CHD9: variants seen among roughly 807,000 people sequenced by gnomAD.
The protein encoded by CHD9 is ATP-dependent chromatin remodeler CHD9.
Under a neutral mutation model 316.1 loss-of-function variants are expected in CHD9, and 77 were observed. The observed-to-expected ratio is 0.24, with a 90% confidence interval of 0.20 to 0.29. The LOEUF is 0.29. Ranked by LOEUF, CHD9 falls within the 10% of genes least tolerant of loss-of-function variation. The probability of loss-of-function intolerance (pLI) is 1.00; values close to 1 mark genes in which losing one functional copy is unlikely to be tolerated. For synonymous variants in CHD9, 1,129 were observed against 1,158.3 expected (o/e 0.97, Z 0.51); for missense variants, 2,763 against 3,438.1 (o/e 0.80, Z 4.91).
intron 2 of CHD9, chr16:53,208,708 G>C (rs777226060): frequency 2.0e-6 from 2 of 986,760 alleles, no homozygotes; most frequent in Non-Finnish European, 2.4e-6. Context: ...GCATGTTTAC[G>C]GGTAAGAACA....
chr16:53,064,983 G>A (rs60126120), intron 1 of CHD9, among the ~76,000 whole-genome samples: 43,613 of 150,738 alleles, frequency 0.29, 7,301 homozygotes, highest in Non-Finnish European at 0.39. Flanking sequence ...GAAAGAAAGA[G>A]AGAGAGAGAG....
intron 1 of CHD9, among the ~76,000 whole-genome samples, chr16:53,097,493 A>C (rs539054608): frequency 5.7e-4 from 87 of 152,002 alleles, no homozygotes; most frequent in African/African-American, 2.1e-3. Context: ...TCAAACTCCT[A>C]GGCTCAAGCA....
intron 34 of CHD9, chr16:53,310,926 C>G (rs537044544): frequency 6.6e-6 from 1 of 151,028 alleles, no homozygotes; most frequent in East Asian, 1.9e-4. Flanking sequence ...GTGGCTCACA[C>G]CCGTAATCCC....
intron 38 of CHD9, among the ~76,000 whole-genome samples, chr16:53,323,524 T>A (rs1229421089): frequency 3.9e-5 from 6 of 152,198 alleles, no homozygotes; most frequent in Non-Finnish European, 8.8e-5. Flanking sequence ...CCACTTTGAG[T>A]ATCTTTTTGA....
chr16:53,180,584 A>G (rs1007672400), intron 2 of CHD9, among the ~76,000 whole-genome samples: 3 of 152,160 alleles, frequency 2.0e-5, no homozygotes, highest in African/African-American at 7.2e-5. Context: ...AATTTTCAGC[A>G]CTGTGGATTT....
chr16:53,247,290 C>T lies in CHD9; in HGVS notation c.3455-3C>T, dbSNP rs781090282. 6.3e-7 allele frequency: 1 copy of T among 1,583,970 alleles called. No homozygotes were observed. The highest frequency in any genetic ancestry group is 1.8e-5 in the Admixed American group (1 of 56,186). ...CTGTTATCTTCTCCTATTTCTTTGACAGGTGCTGAGGAGAAAATACTTGGA... is the reference window on the plus strand; with the variant it reads ...CTGTTATCTTCTCCTATTTCTTTGATAGGTGCTGAGGAGAAAATACTTGGA... On this transcript the variant is annotated splice_region_variant and splice_polypyrimidine_tract_variant and intron_variant, in intron 15 of 38. Transcript: ENST00000447540.
chr16:53,207,447 G>A (rs1030266105), intron 2 of CHD9, among the ~76,000 whole-genome samples: 2 of 152,136 alleles, frequency 1.3e-5, no homozygotes, highest in African/African-American at 4.8e-5. Flanking sequence ...AACATTGTTA[G>A]TAATCTTTAT....
At chr16:53,247,527 G>C in intron 16 of CHD9, 24 bp downstream of exon 16, 1 of 1,469,126 alleles carries the variant, frequency 6.8e-7, no homozygotes, top group Non-Finnish European at 9.4e-7. Context: ...AATTTACTGT[G>C]AATTATGCTA....
chr16:53,206,062 C>T (rs972213792), intron 2 of CHD9, among the ~76,000 whole-genome samples: 3 of 152,094 alleles, frequency 2.0e-5, no homozygotes, highest in Non-Finnish European at 2.9e-5. Context: ...AAGCAGTTCT[C>T]CTGCCTCAGC....
intron 2 of CHD9, among the ~76,000 whole-genome samples, chr16:53,201,430 T>C (rs2045445656): frequency 6.6e-6 from 1 of 152,172 alleles, no homozygotes; most frequent in Non-Finnish European, 1.5e-5. Flanking sequence ...GATCCTGTTC[T>C]CTCTATATAA....
At chr16:53,281,712 TTG>T (rs976911363) in intron 24 of CHD9, among the ~76,000 whole-genome samples, 57 of 152,264 alleles carry the variant, frequency 3.7e-4, no homozygotes, top group African/African-American at 1.4e-3. Flanking sequence ...ACAGTGGTGG[TTG>T]TGTTTTGCCA....
intron 2 of CHD9, among the ~76,000 whole-genome samples, chr16:53,174,511 T>C (rs1372032698): frequency 6.6e-6 from 1 of 152,246 alleles, no homozygotes; most frequent in Non-Finnish European, 1.5e-5. Context: ...TTTGCTCTGT[T>C]ACCTACTTTG....
chr16:53,190,725 C>G (rs2044409914), intron 2 of CHD9, among the ~76,000 whole-genome samples: 1 of 151,972 alleles, frequency 6.6e-6, no homozygotes, highest in African/African-American at 2.4e-5. Flanking sequence ...TTTTGTACCT[C>G]TATGTAATAG....
At chr16:53,073,458 C>G (rs1439341593) in intron 1 of CHD9, among the ~76,000 whole-genome samples, 1 of 152,180 alleles carries the variant, frequency 6.6e-6, no homozygotes, top group East Asian at 1.9e-4. Flanking sequence ...GTACAAATAT[C>G]TCTTTGAGAC....
intron 17 of CHD9, among the ~76,000 whole-genome samples, chr16:53,252,193 TA>T (rs1252561852): frequency 6.6e-6 from 1 of 152,080 alleles, no homozygotes; most frequent in Non-Finnish European, 1.5e-5. Context: ...GGTACTGGTA[TA>T]AAAATAGACA....
intron 1 of CHD9, among the ~76,000 whole-genome samples, chr16:53,111,126 T>C (rs1356678399): frequency 1.3e-5 from 2 of 152,158 alleles, no homozygotes; most frequent in Non-Finnish European, 2.9e-5. Flanking sequence ...TAATGTTGGT[T>C]GTCCCACAAA....
At chr16:53,238,613 G>GT (rs747334971) in intron 12 of CHD9, 27 bp downstream of exon 12, 1 of 1,607,056 alleles carries the variant, frequency 6.2e-7, no homozygotes, top group South Asian at 1.1e-5. Flanking sequence ...TTTGTTTGTT[G>GT]TTTGAAAGGT....
At chr16:53,160,236 C>T (rs7188313) in intron 2 of CHD9, among the ~76,000 whole-genome samples, 47,260 of 152,042 alleles carry the variant, frequency 0.31, 7,501 homozygotes, top group Middle Eastern at 0.38. Context: ...ATTTTATTCT[C>T]CTAAGACTTT....
chr16:53,212,590 T>G (rs1224537591), intron 3 of CHD9, among the ~76,000 whole-genome samples: 2 of 152,158 alleles, frequency 1.3e-5, no homozygotes, highest in African/African-American at 4.8e-5. Context: ...CGTTGTCACT[T>G]TTACAGATTA....
Sources: gnomAD v4.1 joint callset for allele counts (sites outside exome capture counted in the v4.1 genomes callset) on GRCh38, gnomAD v4.1.1 for gene constraint, MANE v1.5 for transcripts, NCBI Gene and HGNC (gene_info 2026-07-23, HGNC 2026-07-21) for gene names.